Variants in SLC35F4 observed in about 807,000 individuals in gnomAD.
SLC35F4 encodes solute carrier family 35 member F4, also known as chromosome 14 open reading frame 36.
Under a neutral mutation model 44.2 loss-of-function variants are expected in SLC35F4, and 24 were observed. The ratio of observed to expected loss-of-function variants is 0.54; its 90% CI spans 0.39 to 0.76. The LOEUF is 0.76. Ranked by LOEUF, SLC35F4 falls within the 30% of genes least tolerant of loss-of-function variation. The probability of loss-of-function intolerance (pLI) is 0.00; values close to 1 mark genes in which losing one functional copy is unlikely to be tolerated. For synonymous variants in SLC35F4, 238 were observed against 223.6 expected (o/e 1.06, Z -0.57); for missense variants, 562 against 586.1 (o/e 0.96, Z 0.42).
intron 1 of SLC35F4, among the ~76,000 whole-genome samples, chr14:57,773,183 G>A (rs919161982): frequency 6.6e-6 from 1 of 152,120 alleles, no homozygotes; most frequent in Non-Finnish European, 1.5e-5. Flanking sequence ...TTTTAATGGG[G>A]TTATTTGTTT....
At chr14:57,831,732 A>G (rs979098555) in intron 1 of SLC35F4, among the ~76,000 whole-genome samples, 7 of 152,222 alleles carry the variant, frequency 4.6e-5, no homozygotes, top group Non-Finnish European at 7.3e-5. Context: ...AGACCAGAGC[A>G]TATTTGTGGG....
chr14:57,607,836 G>A (rs1430828498), intron 1 of SLC35F4, among the ~76,000 whole-genome samples: 1 of 152,172 alleles, frequency 6.6e-6, no homozygotes, highest in African/African-American at 2.4e-5. Context: ...TTGAAGAGAG[G>A]TAGACTGAAC....
Position 57,635,869 on chromosome 14 carries a change from CAT to C in SLC35F4, c.104-41747_104-41746del, listed in dbSNP as rs3054452. Among the ~76,000 whole-genome samples, 144 of 152,246 alleles carry C rather than the reference CAT, an allele frequency of 9.5e-4. 2 individuals are homozygous for C. The East Asian group carries it at 0.012, about 13-fold the overall frequency. The stretch of plus-strand genomic sequence containing the variant: ...GCCAGTGTATGTAATTACGCCAACA[CAT>C]ATGGCACCTAAAAACCACTCACTAC... On this transcript the variant is annotated intron_variant, in intron 1 of 7. Coordinates refer to ENST00000556826, the MANE Select transcript of SLC35F4 (RefSeq NM_001306087.2).
chr14:57,869,560 CT>C (rs1272854125), upstream of SLC35F4, among the ~76,000 whole-genome samples: 1 of 152,170 alleles, frequency 6.6e-6, no homozygotes, highest in Non-Finnish European at 1.5e-5. Context: ...GGGAAATGAT[CT>C]TTTTCCCCTC....
At chr14:57,582,640 C>CGATTGT (rs1774122062) in intron 3 of SLC35F4, among the ~76,000 whole-genome samples, 1 of 152,098 alleles carries the variant, frequency 6.6e-6, no homozygotes, top group African/African-American at 2.4e-5. Flanking sequence ...TTTTCCCACT[C>CGATTGT]GATTGTTCAT....
chr14:57,828,393 A>C (rs1292882182), intron 1 of SLC35F4, among the ~76,000 whole-genome samples: 1 of 152,170 alleles, frequency 6.6e-6, no homozygotes, highest in Admixed American at 6.6e-5. Context: ...AGAGAGTATT[A>C]TAAATAATAA....
At chr14:57,913,707 C>A (rs918583464) in intron 1 of SLC35F4, among the ~76,000 whole-genome samples, 3 of 152,040 alleles carry the variant, frequency 2.0e-5, no homozygotes, top group East Asian at 1.9e-4. Flanking sequence ...AACAAATTAT[C>A]TGTTATATTA....
intron 1 of SLC35F4, among the ~76,000 whole-genome samples, chr14:57,721,066 C>A (rs181173243): frequency 1.2e-3 from 149 of 127,670 alleles, no homozygotes; most frequent in African/African-American, 4.2e-3. Context: ...TAGTTCTGAC[C>A]ATCTAGAGAA....
intron 1 of SLC35F4, among the ~76,000 whole-genome samples, chr14:57,643,561 T>C (rs1214285088): frequency 6.6e-6 from 1 of 152,194 alleles, no homozygotes; most frequent in East Asian, 1.9e-4. Context: ...TAGGTAGCCT[T>C]TCTAATATTC....
At chr14:57,812,774 T>C (rs1882119184) in intron 1 of SLC35F4, among the ~76,000 whole-genome samples, 1 of 152,178 alleles carries the variant, frequency 6.6e-6, no homozygotes, top group South Asian at 2.1e-4. Flanking sequence ...CAATGCCTTC[T>C]GACTTTTCTC....
chr14:57,685,735 G>A (rs772812614), intron 1 of SLC35F4, among the ~76,000 whole-genome samples: 1 of 152,098 alleles, frequency 6.6e-6, no homozygotes, highest in Admixed American at 6.5e-5. Context: ...ACATGAGTAG[G>A]CTCTTTGCCC....
chr14:57,609,312 G>A (rs1476899093), intron 1 of SLC35F4, among the ~76,000 whole-genome samples: 1 of 152,162 alleles, frequency 6.6e-6, no homozygotes, highest in Non-Finnish European at 1.5e-5. Flanking sequence ...AAGAAAATGT[G>A]AAGCTCTCAT....
intron 1 of SLC35F4, among the ~76,000 whole-genome samples, chr14:57,840,965 T>C (rs1885426210): frequency 6.6e-6 from 1 of 152,178 alleles, no homozygotes; most frequent in African/African-American, 2.4e-5. Flanking sequence ...ACTATTTTAT[T>C]TATTCCTTTT....
At chr14:57,775,425 C>T (rs2077465105) in intron 1 of SLC35F4, among the ~76,000 whole-genome samples, 1 of 152,234 alleles carries the variant, frequency 6.6e-6, no homozygotes. Context: ...CAGGAGCAAG[C>T]ACCTCAGCCC....
chr14:57,581,468 T>C (rs767823306), intron 3 of SLC35F4, 35 bp from the exon 4 acceptor site: 2 of 1,553,080 alleles, frequency 1.3e-6, no homozygotes, highest in Admixed American at 1.9e-5. Context: ...ATCCAGGTAC[T>C]GATGGTGACA....
intron 1 of SLC35F4, among the ~76,000 whole-genome samples, chr14:57,749,395 C>T (rs535677998): frequency 3.8e-4 from 58 of 152,138 alleles, no homozygotes; most frequent in African/African-American, 1.3e-3. Context: ...GAATGATCAG[C>T]GGATTTGTCT....
At chr14:57,615,144 C>G (rs1029517453) in intron 1 of SLC35F4, among the ~76,000 whole-genome samples, 16 of 152,186 alleles carry the variant, frequency 1.1e-4, no homozygotes, top group African/African-American at 3.9e-4. Context: ...CTTTGTGAAA[C>G]CAATATGATT....
intron 1 of SLC35F4, among the ~76,000 whole-genome samples, chr14:57,718,534 C>T (rs2076001133): frequency 6.6e-6 from 1 of 152,142 alleles, no homozygotes; most frequent in South Asian, 2.1e-4. Flanking sequence ...GGATAATAGC[C>T]ATTTTAACTG....
At chr14:57,835,638 A>G (rs1253780876) in intron 1 of SLC35F4, among the ~76,000 whole-genome samples, 2 of 152,184 alleles carry the variant, frequency 1.3e-5, no homozygotes, top group Non-Finnish European at 2.9e-5. Context: ...AGTTGGCTGG[A>G]GAGGAATGAC....
Sources: allele counts gnomAD v4.1 joint callset (sites outside exome capture counted in the v4.1 genomes callset), GRCh38; gene constraint gnomAD v4.1.1; transcripts MANE v1.5; gene names NCBI Gene and HGNC (gene_info 2026-07-23, HGNC 2026-07-21).